Variants in SMAP1 observed in about 807,000 individuals in gnomAD.
SMAP1 encodes the protein small ArfGAP 1, also known as stromal membrane-associated protein 1.
A neutral mutation model predicts 58.5 loss-of-function variants in SMAP1; 24 were observed. The ratio of observed to expected loss-of-function variants is 0.41; its 90% CI spans 0.30 to 0.58. The LOEUF is 0.58. Among genes scored for constraint, SMAP1 ranks in the 20% least tolerant of loss-of-function variants. The pLI is 0.29. For synonymous variants in SMAP1, 216 were observed against 196.6 expected, an observed-to-expected ratio of 1.10 and a Z score of -0.82; for missense variants, 563 against 566.3, an observed-to-expected ratio of 0.99 and a Z score of 0.06.
At chr6:70,762,995 C>A (rs1156488757) in intron 3 of SMAP1, among the ~76,000 whole-genome samples, 1 of 151,092 alleles carries the variant, frequency 6.6e-6, no homozygotes, top group Non-Finnish European at 1.5e-5. Context: ...AGATTGTATA[C>A]TTAACATAGT....
intron 1 of SMAP1, among the ~76,000 whole-genome samples, chr6:70,690,855 C>G (rs534233344): frequency 6.6e-5 from 10 of 151,702 alleles, no homozygotes; most frequent in African/African-American, 2.4e-4. Flanking sequence ...TCCTCCTCCC[C>G]CTTCCCCCCT....
At chr6:70,847,766 CCCA>C (rs1771046915) in intron 7 of SMAP1, among the ~76,000 whole-genome samples, 1 of 152,122 alleles carries the variant, frequency 6.6e-6, no homozygotes, top group African/African-American at 2.4e-5. Context: ...TCCTGCTGCT[CCCA>C]CCATCATTCC....
chr6:70,803,399 A>G lies in SMAP1; in HGVS notation c.576+4662A>G, dbSNP rs191648902. On this transcript the variant is annotated intron_variant, in intron 6 of 10. Coordinates refer to ENST00000370455, the MANE Select transcript of SMAP1 (RefSeq NM_001044305.3). The stretch of plus-strand genomic sequence containing the variant: ...TTGATTCTTTTCTCTTTTCTTCTTT[A>G]TTAGTCTTGCTAGCAGTCTATTTTG... Among the ~76,000 whole-genome samples, 307 of 151,906 alleles carry G rather than the reference A, an allele frequency of 2.0e-3. 1 individual carries two copies. The highest frequency in any genetic ancestry group is 7.1e-3 in the African/African-American group (293 of 41,388).
At chr6:70,769,542 G>A (rs1582147689) in intron 3 of SMAP1, among the ~76,000 whole-genome samples, 2 of 152,010 alleles carry the variant, frequency 1.3e-5, no homozygotes, top group South Asian at 2.1e-4. Flanking sequence ...GTGTTGGTTT[G>A]AAGTCTGTTT....
At chr6:70,675,198 GTTTTTTTT>G (rs67744035) in intron 1 of SMAP1, among the ~76,000 whole-genome samples, 1 of 109,982 alleles carries the variant, frequency 9.1e-6, no homozygotes, top group Admixed American at 1.0e-4. Flanking sequence ...ATTATATAGT[GTTTTTTTT>G]TTTTTTTTTT....
At chr6:70,770,591 C>T (rs1384793507) in intron 3 of SMAP1, among the ~76,000 whole-genome samples, 1 of 152,212 alleles carries the variant, frequency 6.6e-6, no homozygotes, top group Non-Finnish European at 1.5e-5. Context: ...CCTTGGCTTT[C>T]AGCTCCATGA....
intron 7 of SMAP1, among the ~76,000 whole-genome samples, chr6:70,845,579 G>A (rs140416375): frequency 2.6e-5 from 4 of 152,298 alleles, no homozygotes; most frequent in African/African-American, 9.6e-5. Flanking sequence ...ATGTTTTACG[G>A]ACATCACCTT....
chr6:70,778,352 A>G (rs1049662073), intron 4 of SMAP1, among the ~76,000 whole-genome samples: 1 of 152,204 alleles, frequency 6.6e-6, no homozygotes, highest in Non-Finnish European at 1.5e-5. Context: ...GGTTTGTCAT[A>G]TATGACCTTT....
chr6:70,829,274 T>C (rs557651620), intron 6 of SMAP1, among the ~76,000 whole-genome samples: 2 of 152,124 alleles, frequency 1.3e-5, no homozygotes, highest in Admixed American at 1.3e-4. Flanking sequence ...CTTTTTGTTT[T>C]TGTTTTTGTT....
chr6:70,860,188 T>C lies in SMAP1; in HGVS notation c.1270-12T>C, dbSNP rs1242479708. On this transcript the variant is annotated splice_polypyrimidine_tract_variant and intron_variant, in intron 10 of 10. Transcript: ENST00000370455. ...TAAGCCTCTTGAACTAAGCCTTTTA[T>C]ATGTTTCACAGATGAATCAGCAGAT... 2 of 1,599,120 alleles carry C rather than the reference T, an allele frequency of 1.3e-6. No individual in the cohort carries two copies. Among genetic ancestry groups the C allele is most frequent in the Non-Finnish European group, 8.5e-7 (1 of 1,174,140 alleles).
chr6:70,798,611 A>AT, intron 5 of SMAP1, 46 bp from the exon 6 acceptor site: 1 of 1,468,276 alleles, frequency 6.8e-7, no homozygotes, highest in Non-Finnish European at 9.1e-7. Flanking sequence ...AAAAATTGCC[A>AT]TTTTTTAAAA....
At chr6:70,682,737 T>C (rs117559853) in intron 1 of SMAP1, among the ~76,000 whole-genome samples, 1,745 of 152,272 alleles carry the variant, frequency 0.011, 11 homozygotes, top group Middle Eastern at 0.031. Flanking sequence ...TTCCCACCAC[T>C]ACTATCTAAA....
chr6:70,751,272 G>C (rs915346869), intron 2 of SMAP1, among the ~76,000 whole-genome samples: 1 of 152,000 alleles, frequency 6.6e-6, no homozygotes, highest in Non-Finnish European at 1.5e-5. Flanking sequence ...AATACGTTCA[G>C]TCTACTGGCA....
At chr6:70,819,708 T>G (rs2149980028) in intron 6 of SMAP1, among the ~76,000 whole-genome samples, 1 of 152,298 alleles carries the variant, frequency 6.6e-6, no homozygotes, top group Non-Finnish European at 1.5e-5. Flanking sequence ...CAGTTTTTAA[T>G]TATAATAGAA....
At chr6:70,767,444 C>T (rs1767047318) in intron 3 of SMAP1, among the ~76,000 whole-genome samples, 1 of 152,108 alleles carries the variant, frequency 6.6e-6, no homozygotes, top group Admixed American at 6.5e-5. Flanking sequence ...TTGTAGTTCT[C>T]CACTTGAAGA....
intron 5 of SMAP1, among the ~76,000 whole-genome samples, chr6:70,792,433 G>A (rs1045791142): frequency 8.9e-6 from 1 of 111,962 alleles, no homozygotes; most frequent in African/African-American, 3.3e-5. Flanking sequence ...TGGTTGGCTA[G>A]ATGTGTGGTA....
chr6:70,718,050 C>T lies in SMAP1; in HGVS notation c.119-14328C>T, dbSNP rs557032200. ...TATTTTATTAATATTCCATCCTCCC[C>T]ACAAGCTCCACAAGCTCCCCTTCCA... On this transcript the variant is annotated intron_variant, in intron 1 of 10. Transcript: ENST00000370455. 1.7e-4 allele frequency among the ~76,000 whole-genome samples: 26 copies of T among 152,224 alleles called. No homozygotes were observed. In the South Asian group the frequency reaches 5.2e-3, roughly 30 times the overall value.
At chr6:70,689,236 C>T (rs548942268) in intron 1 of SMAP1, among the ~76,000 whole-genome samples, 5 of 152,092 alleles carry the variant, frequency 3.3e-5, no homozygotes, top group Admixed American at 6.6e-5. Context: ...CTTGAACTCC[C>T]GACCTCAGGT....
intron 3 of SMAP1, among the ~76,000 whole-genome samples, chr6:70,758,838 A>G (rs1262173998): frequency 6.6e-6 from 1 of 152,138 alleles, no homozygotes; most frequent in Non-Finnish European, 1.5e-5. Context: ...CATAAAGCTT[A>G]TTCACTGGGA....
Sources: allele counts gnomAD v4.1 joint callset (sites outside exome capture counted in the v4.1 genomes callset), GRCh38; gene constraint gnomAD v4.1.1; transcripts MANE v1.5; gene names NCBI Gene and HGNC (gene_info 2026-07-23, HGNC 2026-07-21).